The following MACF1 variants were observed in gnomAD, a reference collection of about 807,000 sequenced individuals.
MACF1 encodes the protein microtubule-actin cross-linking factor 1.
A neutral mutation model predicts 854.8 loss-of-function variants in MACF1; 193 were observed. The ratio of observed to expected loss-of-function variants is 0.23; its 90% CI spans 0.20 to 0.25. The LOEUF is 0.25. Ranked by LOEUF, MACF1 falls within the 10% of genes least tolerant of loss-of-function variation. The pLI is 1.00. For synonymous variants in MACF1, 3,185 were observed against 3,226.7 expected, an observed-to-expected ratio of 0.99 and a Z score of 0.44; for missense variants, 7,722 against 8,929.1, an observed-to-expected ratio of 0.86 and a Z score of 5.45.
chr1:39,429,429 G>T, intron 64 of MACF1, 103 bp downstream of exon 64: 1 of 698,152 alleles, frequency 1.4e-6, no homozygotes, highest in Non-Finnish European at 2.5e-6. Context: ...ATGTATATAT[G>T]AGAAGCTTAG....
At chr1:39,285,877 T>C in intron 14 of MACF1, 119 bp downstream of exon 14, 1 of 1,095,682 alleles carries the variant, frequency 9.1e-7, no homozygotes, top group Non-Finnish European at 1.3e-6. Flanking sequence ...GGTCAGTGTC[T>C]CAATGGGGAT....
intron 1 of MACF1, among the ~76,000 whole-genome samples, chr1:39,219,588 A>C (rs1261550212): frequency 6.6e-6 from 1 of 152,206 alleles, no homozygotes; most frequent in Non-Finnish European, 1.5e-5. Flanking sequence ...ATTATTGCTG[A>C]ACACATTTTA....
intron 89 of MACF1, 135 bp from the exon 90 acceptor site, chr1:39,458,230 TAACTC>T: frequency 1.4e-6 from 1 of 694,254 alleles, no homozygotes; most frequent in Non-Finnish European, 2.4e-6. Context: ...CATCCCTCAG[TAACTC>T]AACTCAGGCA....
At chr1:39,240,588 A>C (rs988425533) in intron 2 of MACF1, among the ~76,000 whole-genome samples, 4 of 151,986 alleles carry the variant, frequency 2.6e-5, no homozygotes, top group African/African-American at 9.7e-5. Context: ...AGCCTCCGCC[A>C]CCCGGGTTCA....
At chr1:39,231,382 C>A in intron 2 of MACF1, 139 bp downstream of exon 2, 1 of 764,422 alleles carries the variant, frequency 1.3e-6, no homozygotes, top group Admixed American at 2.5e-5. Flanking sequence ...TTTCTTTTCT[C>A]TTCTTTTCTT....
chr1:39,459,022 A>T, intron 90 of MACF1, 64 bp from the exon 91 acceptor site: 1 of 1,355,168 alleles, frequency 7.4e-7, no homozygotes, highest in African/African-American at 1.5e-5. Context: ...AGGTTTATAC[A>T]TACAGCTATT....
chr1:39,153,753 G>A (rs574265793), intron 2 of MACF1, among the ~76,000 whole-genome samples: 1 of 152,234 alleles, frequency 6.6e-6, no homozygotes, highest in Non-Finnish European at 1.5e-5. Flanking sequence ...CCTTTCTTCA[G>A]CCCTGCAGAG....
intron 58 of MACF1, among the ~76,000 whole-genome samples, chr1:39,408,974 C>T (rs1487693394): frequency 6.7e-6 from 1 of 150,094 alleles, no homozygotes; most frequent in Admixed American, 6.6e-5. Context: ...CCTTCCTGTG[C>T]TCTCCGCGTC....
chr1:39,097,929 T>C (rs1030635516), intron 2 of MACF1, among the ~76,000 whole-genome samples: 1 of 151,974 alleles, frequency 6.6e-6, no homozygotes, highest in African/African-American at 2.4e-5. Context: ...GTTTCTACCT[T>C]GAGATGGTGT....
At chr1:39,430,261 G>T (rs1209607742) in intron 65 of MACF1, among the ~76,000 whole-genome samples, 193 bp downstream of exon 65, 1 of 151,884 alleles carries the variant, frequency 6.6e-6, no homozygotes, top group Non-Finnish European at 1.5e-5. Flanking sequence ...GTTGAATCAA[G>T]TTTACTTTGT....
chr1:39,123,873 T>C (rs1642792327), intron 2 of MACF1, among the ~76,000 whole-genome samples: 1 of 151,676 alleles, frequency 6.6e-6, no homozygotes, highest in Non-Finnish European at 1.5e-5. Context: ...TATAGGCGCA[T>C]GCTACCATGC....
chr1:39,429,263 A>C lies in MACF1; in HGVS notation c.16825A>C (p.Asn5609His). ...TCAGGCTTTAAATGAAGAAATTGTTAATAGAAAGAAGAATGTAGATCAAGC... is the reference window on the plus strand; with the variant it reads ...TCAGGCTTTAAATGAAGAAATTGTTCATAGAAAGAAGAATGTAGATCAAGC... ...DHLALNEEIV[N>H]RKKNVDQAIK... Residue 5609 changes from asparagine (N) to histidine (H), a missense_variant, in exon 64 of 101, where the codon AAT becomes CAT. Coordinates refer to ENST00000564288, the MANE Select transcript of MACF1 (RefSeq NM_001394062.1). 1.3e-6 allele frequency: 2 copies of C among 1,558,434 alleles called. No individual in the cohort carries two copies. Among genetic ancestry groups the C allele is most frequent in the Non-Finnish European group, 8.8e-7 (1 of 1,130,476 alleles).
rs775940058 is a variant in MACF1 at position 39,379,410 on chromosome 1, C to G, written c.13484C>G (p.Thr4495Arg). The change falls in exon 54 of 101, where the codon ACA (threonine) becomes AGA (arginine). Residue 4495 changes from threonine (T) to arginine (R), a missense_variant. Coordinates refer to ENST00000564288, the MANE Select transcript of MACF1 (RefSeq NM_001394062.1). Reference sequence around the variant, plus strand: ...GATGCCATGTCATCTCCAACCAAGACAGAAACAGTGAAAGCCCAAGCTGAA... The same window carrying G: ...GATGCCATGTCATCTCCAACCAAGAGAGAAACAGTGAAAGCCCAAGCTGAA... Reference protein sequence around the residue: ...SMDAMSSPTKTETVKAQAESN... With the variant: ...SMDAMSSPTKRETVKAQAESN... 6 of 1,613,984 alleles carry G rather than the reference C, an allele frequency of 3.7e-6. No individual in the cohort carries two copies. Among genetic ancestry groups the G allele is most frequent in the Non-Finnish European group, 5.1e-6 (6 of 1,179,942 alleles).
At chr1:39,265,295 G>A (rs984784617) in intron 6 of MACF1, among the ~76,000 whole-genome samples, 6 of 151,974 alleles carry the variant, frequency 3.9e-5, no homozygotes, top group African/African-American at 9.7e-5. Context: ...CTTTCACTCT[G>A]GCTGTCTCTG....
chr1:39,315,789 T>C (rs1646401180), intron 27 of MACF1, 98 bp downstream of exon 27: 10 of 1,229,162 alleles, frequency 8.1e-6, no homozygotes, highest in Non-Finnish European at 9.0e-6. Context: ...AGAGAGATTA[T>C]AGATCCTGAA....
chr1:39,477,875 T>C (rs1644939268), intron 97 of MACF1, among the ~76,000 whole-genome samples: 5 of 152,086 alleles, frequency 3.3e-5, no homozygotes, highest in Admixed American at 3.3e-4. Flanking sequence ...ATCACCATTA[T>C]GGCATTAGAG....
Position 39,085,182 on chromosome 1 carries a change from C to G in MACF1, c.220+744C>G, listed in dbSNP as rs148019323. Reference sequence around the variant, plus strand: ...ACTCTGGGCAAGTCCCTTATTCTTTCTCAGTGTCACTTTCCTTGTCTTAAG... The same window carrying G: ...ACTCTGGGCAAGTCCCTTATTCTTTGTCAGTGTCACTTTCCTTGTCTTAAG... On this transcript the variant is annotated intron_variant, in intron 2 of 93. Coordinates refer to the MACF1 transcript ENST00000361689. Among the ~76,000 whole-genome samples, 534 of 152,330 alleles carry G rather than the reference C, an allele frequency of 3.5e-3. 4 individuals carry two copies. Among genetic ancestry groups the G allele is most frequent in the African/African-American group, 0.012 (510 of 41,576 alleles).
At chr1:39,180,994 C>G (rs1241079242) in intron 2 of MACF1, among the ~76,000 whole-genome samples, 2 of 152,332 alleles carry the variant, frequency 1.3e-5, no homozygotes, top group South Asian at 2.1e-4. Flanking sequence ...CAGCCTCTGC[C>G]TCCCGGGTTC....
chr1:39,475,992 A>G (rs887278072), intron 97 of MACF1, among the ~76,000 whole-genome samples: 9 of 152,332 alleles, frequency 5.9e-5, no homozygotes, highest in Non-Finnish European at 1.2e-4. Context: ...TTCAAAAACA[A>G]GAGAGCAGTG....
Sources: gnomAD v4.1 joint callset for allele counts (sites outside exome capture counted in the v4.1 genomes callset) on GRCh38, gnomAD v4.1.1 for gene constraint, MANE v1.5 for transcripts, NCBI Gene and HGNC (gene_info 2026-07-23, HGNC 2026-07-21) for gene names.